Variants in NAALADL2 observed in about 807,000 individuals in gnomAD.
NAALADL2 encodes N-acetylated alpha-linked acidic dipeptidase like 2.
A neutral mutation model predicts 87.2 loss-of-function variants in NAALADL2; 76 were observed. The observed-to-expected ratio is 0.87, with a 90% CI of 0.72 to 1.05. The LOEUF is 1.05. Ranked by LOEUF, NAALADL2 falls within the 50% of genes least tolerant of loss-of-function variation. NAALADL2 has a pLI of 0.00. For synonymous variants in NAALADL2, 354 were observed against 331.0 expected, an observed-to-expected ratio of 1.07 and a Z score of -0.75; for missense variants, 1,089 against 945.8, an observed-to-expected ratio of 1.15 and a Z score of -1.99.
rs34518577 is a variant in NAALADL2 at position 175,569,823 on chromosome 3, T to TACACACACACACAC, written c.1654-6198_1654-6185dup. Among the ~76,000 whole-genome samples the TACACACACACACAC allele has an allele frequency of 1.9e-3, 273 of 147,500 alleles. 2 individuals carry two copies. Among genetic ancestry groups the TACACACACACACAC allele is most frequent in the African/African-American group, 6.3e-3 (252 of 39,918 alleles). The stretch of plus-strand genomic sequence containing the variant: ...TCTTATAGCAGCCCAGACCAACTAA[T>TACACACACACACAC]ACACACACACACACACACACACACA... On this transcript the variant is annotated intron_variant, in intron 9 of 13. Coordinates refer to ENST00000454872, the MANE Select transcript of NAALADL2 (RefSeq NM_207015.3).
intron 4 of NAALADL2, among the ~76,000 whole-genome samples, chr3:175,297,192 C>T (rs905507643): frequency 6.6e-6 from 1 of 152,118 alleles, no homozygotes; most frequent in Non-Finnish European, 1.5e-5. Flanking sequence ...ACTATCTGGC[C>T]CTTGAAAGAA....
At chr3:175,401,705 A>G (rs904061687) in intron 5 of NAALADL2, among the ~76,000 whole-genome samples, 7 of 152,168 alleles carry the variant, frequency 4.6e-5, no homozygotes, top group Non-Finnish European at 7.4e-5. Flanking sequence ...AATGTGCAAT[A>G]TGAGACCACC....
chr3:175,187,855 C>G (rs925461598), intron 2 of NAALADL2, among the ~76,000 whole-genome samples: 4 of 152,214 alleles, frequency 2.6e-5, no homozygotes, highest in African/African-American at 9.6e-5. Flanking sequence ...ATGATCCTTG[C>G]CTACAAGGAG....
At chr3:174,953,862 A>T (rs893814846) in intron 1 of NAALADL2, among the ~76,000 whole-genome samples, 2 of 151,952 alleles carry the variant, frequency 1.3e-5, no homozygotes, top group African/African-American at 4.8e-5. Flanking sequence ...CTCATCTAAA[A>T]CCAAACACAT....
chr3:174,834,247 A>G (rs1723068311), intron 3 of NAALADL2, among the ~76,000 whole-genome samples: 1 of 147,932 alleles, frequency 6.8e-6, no homozygotes, highest in African/African-American at 2.5e-5. Context: ...AGATTTGCCA[A>G]AATTTAATGC....
chr3:174,881,381 C>A (rs1388263520), intron 1 of NAALADL2, among the ~76,000 whole-genome samples: 2 of 152,036 alleles, frequency 1.3e-5, no homozygotes, highest in Non-Finnish European at 1.5e-5. Flanking sequence ...ATATGGTACA[C>A]AAAACATATT....
intron 2 of NAALADL2, among the ~76,000 whole-genome samples, chr3:174,622,297 T>C (rs1168525468): frequency 6.6e-6 from 1 of 152,236 alleles, no homozygotes; most frequent in Non-Finnish European, 1.5e-5. Flanking sequence ...TCATTTAATA[T>C]GAAACTTTTA....
At position 174,960,830 on chromosome 3, in the gene NAALADL2, A is replaced by G. The variant is rs77840425; in HGVS notation, c.43+101380A>G. 7.4e-3 allele frequency among the ~76,000 whole-genome samples: 1,122 copies of G among 151,942 alleles called. 20 individuals carry two copies. The highest frequency in any genetic ancestry group is 0.049 in the East Asian group (252 of 5,168). ...TTAAAAGAATAAAATCAAATGCTCT[A>G]GGTTACCATGTGTTTCAGTTTCATA... On this transcript the variant is annotated intron_variant, in intron 1 of 13. Coordinates refer to ENST00000454872, the MANE Select transcript of NAALADL2 (RefSeq NM_207015.3).
intron 3 of NAALADL2, among the ~76,000 whole-genome samples, chr3:174,790,898 A>C (rs957389490): frequency 3.3e-5 from 5 of 152,092 alleles, no homozygotes; most frequent in African/African-American, 1.2e-4. Flanking sequence ...GATATTGTTG[A>C]GATACAATTT....
chr3:175,456,727 T>G (rs1722376615), intron 6 of NAALADL2, among the ~76,000 whole-genome samples: 1 of 152,030 alleles, frequency 6.6e-6, no homozygotes, highest in Admixed American at 6.6e-5. Context: ...AATCAGAAAT[T>G]AATCATTGAT....
At chr3:174,980,280 A>G (rs1744940211) in intron 1 of NAALADL2, among the ~76,000 whole-genome samples, 1 of 152,188 alleles carries the variant, frequency 6.6e-6, no homozygotes, top group Admixed American at 6.5e-5. Context: ...GCTATGATAC[A>G]TGCCTCCCAT....
At chr3:175,679,467 AT>A in intron 11 of NAALADL2, among the ~76,000 whole-genome samples, 1 of 152,208 alleles carries the variant, frequency 6.6e-6, no homozygotes, top group Admixed American at 6.5e-5. Context: ...ATAAAATGTG[AT>A]TTTTATCATC....
At position 175,667,243 on chromosome 3, in the gene NAALADL2, A is replaced by AAAGAAAG. The variant is rs1560943730; in HGVS notation, c.1896+39858_1896+39859insAGAAAGA. Among the ~76,000 whole-genome samples the AAAGAAAG allele has an allele frequency of 3.7e-3, 390 of 105,202 alleles. 4 individuals are homozygous for AAAGAAAG. Among genetic ancestry groups the AAAGAAAG allele is most frequent in the Middle Eastern group, 0.011 (2 of 190 alleles). 69.0% of individuals were successfully genotyped at this position (105,202 alleles called of 152,430 possible). A position where few individuals can be genotyped will look rare whatever the true frequency, so the allele number is the denominator to read the frequency against. On this transcript the variant is annotated intron_variant, in intron 11 of 13. Coordinates refer to ENST00000454872, the MANE Select transcript of NAALADL2 (RefSeq NM_207015.3). ...AGAAAGAAAGAAAGAAAGAAAGAAA[A>AAAGAAAG]AGAAAGAAAGAAAGAAAGAAAGGAA...
In NAALADL2 at chr3:174,724,229, C is replaced by T. The variant is rs554179539; in HGVS notation, c.-114-13412C>T. ...TAAGAGTTACTAATTAAGAATTATCCTTTTAGAAATTCACCTCCATAGCTG... is the reference window on the plus strand; with the variant it reads ...TAAGAGTTACTAATTAAGAATTATCTTTTTAGAAATTCACCTCCATAGCTG... On this transcript the variant is annotated intron_variant, in intron 2 of 3. Coordinates refer to the NAALADL2 transcript ENST00000434257. Among the ~76,000 whole-genome samples, 81 of 152,206 alleles carry T rather than the reference C, an allele frequency of 5.3e-4. 1 individual carries two copies. Among genetic ancestry groups the T allele is most frequent in the Middle Eastern group, 3.4e-3 (1 of 294 alleles).
chr3:175,041,538 C>G (rs1445922841), intron 1 of NAALADL2, among the ~76,000 whole-genome samples: 3 of 152,122 alleles, frequency 2.0e-5, no homozygotes, highest in Non-Finnish European at 4.4e-5. Flanking sequence ...TAATCTTCTG[C>G]TCATGGATGA....
chr3:175,135,563 T>C lies in NAALADL2; in HGVS notation c.545+38272T>C, dbSNP rs963104051. Reference sequence around the variant, plus strand: ...TTAGTCAAATAAAGTGATTAAAAATTACCGAGGAAAAAAAATCAGTCAAAA... The same window carrying C: ...TTAGTCAAATAAAGTGATTAAAAATCACCGAGGAAAAAAAATCAGTCAAAA... On this transcript the variant is annotated intron_variant, in intron 2 of 13. Coordinates refer to ENST00000454872, the MANE Select transcript of NAALADL2 (RefSeq NM_207015.3). Among the ~76,000 whole-genome samples the C allele has an allele frequency of 1.2e-4, 18 of 152,106 alleles. 1 individual carries two copies. Among genetic ancestry groups the C allele is most frequent in the Non-Finnish European group, 1.6e-4 (11 of 68,022 alleles).
chr3:175,175,903 T>A (rs891395304), intron 2 of NAALADL2, among the ~76,000 whole-genome samples: 1 of 152,122 alleles, frequency 6.6e-6, no homozygotes, highest in Non-Finnish European at 1.5e-5. Context: ...TTGTAATACA[T>A]ATTTTCAAAT....
chr3:175,223,138 G>T (rs1404252485), intron 2 of NAALADL2, among the ~76,000 whole-genome samples: 1 of 149,554 alleles, frequency 6.7e-6, no homozygotes, highest in African/African-American at 2.5e-5. Flanking sequence ...GTGTGGTAAG[G>T]ACACTGTTCT....
chr3:175,362,316 G>T (rs893292132), intron 5 of NAALADL2, among the ~76,000 whole-genome samples: 1 of 147,958 alleles, frequency 6.8e-6, no homozygotes, highest in South Asian at 2.2e-4. Flanking sequence ...CTCCAGCTTT[G>T]TTCTTTTGGC....
Sources: allele counts gnomAD v4.1 joint callset (sites outside exome capture counted in the v4.1 genomes callset), GRCh38; gene constraint gnomAD v4.1.1; transcripts MANE v1.5; gene names NCBI Gene and HGNC (gene_info 2026-07-23, HGNC 2026-07-21).